STK33: variants seen among roughly 807,000 people sequenced by gnomAD.
The protein encoded by STK33 is serine/threonine-protein kinase 33.
Under a neutral mutation model 58.0 loss-of-function variants are expected in STK33, and 52 were observed. That is an observed-to-expected ratio of 0.90 (90% CI 0.72 to 1.13). The LOEUF is 1.13. Ranked by LOEUF, STK33 falls within the 50% of genes most tolerant of loss-of-function variation. The probability of loss-of-function intolerance (pLI) is 0.00; values close to 1 mark genes in which losing one functional copy is unlikely to be tolerated. For synonymous variants in STK33, 215 were observed against 200.1 expected (o/e 1.07, Z -0.63); for missense variants, 630 against 604.2 (o/e 1.04, Z -0.45).
chr11:8,400,678 T>C (rs1247285093), intron 15 of STK33, among the ~76,000 whole-genome samples: 1 of 152,212 alleles, frequency 6.6e-6, no homozygotes, highest in Non-Finnish European at 1.5e-5. Flanking sequence ...GGAAGTCAAA[T>C]TGTCCCTGTT....
chr11:8,591,874 A>T (rs1183132012), intron 1 of STK33, among the ~76,000 whole-genome samples: 1 of 152,050 alleles, frequency 6.6e-6, no homozygotes, highest in Non-Finnish European at 1.5e-5. Flanking sequence ...ATTAGGAGAT[A>T]TACCTAATGC....
At chr11:8,400,667 A>G (rs1250753146) in intron 15 of STK33, among the ~76,000 whole-genome samples, 1 of 152,232 alleles carries the variant, frequency 6.6e-6, no homozygotes, top group Non-Finnish European at 1.5e-5. Flanking sequence ...TTAGGAAAAG[A>G]GGAAGTCAAA....
At chr11:8,362,910 C>T in the STK33 span, among the ~76,000 whole-genome samples, 28 of 28,284 alleles carry the variant, frequency 9.9e-4, no homozygotes, top group South Asian at 4.7e-3. Context: ...CTCTCCCTTC[C>T]TTCCTTCCTC....
intron 1 of STK33, among the ~76,000 whole-genome samples, chr11:8,543,846 T>G (rs12785939): frequency 0.4 from 61,413 of 151,954 alleles, 12,718 homozygotes; most frequent in South Asian, 0.57. Flanking sequence ...TCAAAATATC[T>G]CATGGACCCC....
the STK33 span, among the ~76,000 whole-genome samples, chr11:8,350,972 A>C: frequency 2.0e-5 from 3 of 152,164 alleles, no homozygotes; most frequent in African/African-American, 7.2e-5. Context: ...AAGAAAGCTC[A>C]GAACTCCAGG....
the STK33 span, among the ~76,000 whole-genome samples, chr11:8,365,576 CCA>C: frequency 6.6e-6 from 1 of 152,202 alleles, no homozygotes; most frequent in African/African-American, 2.4e-5. Flanking sequence ...ATGTCTGAAT[CCA>C]CAGAGTCTGA....
intron 14 of STK33, among the ~76,000 whole-genome samples, chr11:8,435,195 A>G (rs1943914769): frequency 6.6e-6 from 1 of 152,120 alleles, no homozygotes; most frequent in Non-Finnish European, 1.5e-5. Context: ...GACTGTTTCA[A>G]TTTTCCACAG....
chr11:8,397,088 C>T (rs144778699), intron 15 of STK33, among the ~76,000 whole-genome samples: 33,993 of 152,024 alleles, frequency 0.22, 4,102 homozygotes, highest in South Asian at 0.36. Flanking sequence ...CTTAAATGTC[C>T]CTGTCTGACA....
intron 11 of STK33, among the ~76,000 whole-genome samples, chr11:8,448,547 C>G (rs11524873): frequency 0.19 from 28,974 of 152,114 alleles, 3,554 homozygotes; most frequent in Non-Finnish European, 0.27. Context: ...ATTCCCTATT[C>G]AATAAATGGT....
At chr11:8,349,190 G>A in the STK33 span, among the ~76,000 whole-genome samples, 1 of 152,222 alleles carries the variant, frequency 6.6e-6, no homozygotes, top group African/African-American at 2.4e-5. Flanking sequence ...TGCTTCACCT[G>A]TAAACTGGGG....
chr11:8,591,861 A>G lies in STK33; in HGVS notation c.-466+2222T>C, dbSNP rs537087552. ...GGGGTGGGGGGGAGTGGGGAGGGAT[A>G]GCATTAGGAGATATACCTAATGCTA... is the stretch of plus-strand genomic sequence containing the variant. On this transcript the variant is annotated intron_variant, in intron 1 of 15. Transcript: ENST00000687296. Among the ~76,000 whole-genome samples, 3 of 152,098 alleles carry G rather than the reference A, an allele frequency of 2.0e-5. No homozygotes were observed. In the East Asian group the frequency reaches 5.8e-4, roughly 29 times the overall value.
At chr11:8,552,338 A>G (rs74405579) in intron 1 of STK33, among the ~76,000 whole-genome samples, 7,414 of 152,190 alleles carry the variant, frequency 0.049, 257 homozygotes, top group Non-Finnish European at 0.066. Context: ...GTTTTTAAAC[A>G]TTTCTAGTTG....
chr11:8,473,625 T>C (rs1365195546), intron 5 of STK33, among the ~76,000 whole-genome samples: 1 of 152,162 alleles, frequency 6.6e-6, no homozygotes, highest in Non-Finnish European at 1.5e-5. Flanking sequence ...ACAACCATTA[T>C]CAAACAGCTT....
chr11:8,582,755 T>G (rs927366863), intron 1 of STK33, among the ~76,000 whole-genome samples: 2 of 152,264 alleles, frequency 1.3e-5, no homozygotes, highest in Admixed American at 6.5e-5. Flanking sequence ...TTAATTATCT[T>G]TTAAAATTTT....
chr11:8,529,494 C>CAT (rs1434291250), intron 1 of STK33, among the ~76,000 whole-genome samples: 1 of 152,142 alleles, frequency 6.6e-6, no homozygotes, highest in Non-Finnish European at 1.5e-5. Flanking sequence ...CTCTGGTAGA[C>CAT]ATAATAATGC....
chr11:8,412,537 A>C (rs1172782664), intron 15 of STK33, among the ~76,000 whole-genome samples: 2 of 152,182 alleles, frequency 1.3e-5, no homozygotes, highest in South Asian at 4.1e-4. Flanking sequence ...GATTCTTGGC[A>C]TGGAGGGGTG....
chr11:8,410,026 G>T (rs1939942922), intron 15 of STK33, among the ~76,000 whole-genome samples: 1 of 152,052 alleles, frequency 6.6e-6, no homozygotes, highest in South Asian at 2.1e-4. Flanking sequence ...GGGTACATAT[G>T]CCATATTGCA....
intron 1 of STK33, among the ~76,000 whole-genome samples, chr11:8,513,940 C>T (rs1360345791): frequency 6.6e-6 from 1 of 151,804 alleles, no homozygotes; most frequent in Non-Finnish European, 1.5e-5. Context: ...CAATTAACCA[C>T]CCCCACTTCC....
intron 15 of STK33, among the ~76,000 whole-genome samples, chr11:8,401,372 G>A (rs1202367212): frequency 2.6e-5 from 4 of 152,118 alleles, no homozygotes; most frequent in Admixed American, 6.5e-5. Flanking sequence ...ATAGGGAAAC[G>A]ATTCCCTATT....
Sources: allele counts gnomAD v4.1 joint callset (sites outside exome capture counted in the v4.1 genomes callset), GRCh38; gene constraint gnomAD v4.1.1; transcripts MANE v1.5; gene names NCBI Gene and HGNC (gene_info 2026-07-23, HGNC 2026-07-21).